ZNF444: variants seen among roughly 807,000 people sequenced by gnomAD.
ZNF444 encodes the protein endothelial zinc finger protein 2.
A neutral mutation model predicts 14.4 loss-of-function variants in ZNF444; 8 were observed. That is an observed-to-expected ratio of 0.56 (90% CI 0.33 to 1.00). ZNF444 has a LOEUF of 1.00. Among genes scored for constraint, ZNF444 ranks in the 50% least tolerant of loss-of-function variants. The pLI, the probability that ZNF444 is intolerant of heterozygous loss-of-function variation, is 0.03. For missense variants in ZNF444, 510 were observed against 504.8 expected (o/e 1.01, Z -0.10); for synonymous variants, 258 against 235.9 (o/e 1.09, Z -0.86).
chr19:56,149,767 A>G (rs906978371), intron 3 of ZNF444: 6 of 152,344 alleles, frequency 3.9e-5, no homozygotes, highest in African/African-American at 1.4e-4. Context: ...TAGTTTGCCA[A>G]GGATGATGGC....
intron 1 of ZNF444, among the ~76,000 whole-genome samples, chr19:56,142,688 A>T (rs895958941): frequency 6.6e-6 from 1 of 152,166 alleles, no homozygotes; most frequent in Admixed American, 6.5e-5. Flanking sequence ...CTTGAGAGGA[A>T]GGAGCTCTTG....
chr19:56,134,104 G>A (rs1462195999), intron 1 of ZNF444, among the ~76,000 whole-genome samples: 1 of 151,892 alleles, frequency 6.6e-6, no homozygotes, highest in African/African-American at 2.4e-5. Context: ...CGCTCACTCA[G>A]CTCACTCATG....
chr19:56,151,768 A>G (rs1251641520), intron 3 of ZNF444: 1 of 448,884 alleles, frequency 2.2e-6, no homozygotes, highest in East Asian at 7.1e-5. Context: ...ATCTAGTGGG[A>G]GCTGACCGTG....
Position 56,159,705 on chromosome 19 carries a change from C to G in ZNF444, c.488C>G (p.Pro163Arg), listed in dbSNP as rs2032153167. 6.5e-7 allele frequency: 1 copy of G among 1,550,042 alleles called. No homozygotes were observed. The highest frequency in any genetic ancestry group is 8.7e-7 in the Non-Finnish European group (1 of 1,152,344). Residue 163 changes from proline to arginine, a missense_variant, in exon 5 of 5, where the codon CCC (proline) becomes CGC (arginine). Transcript: ENST00000337080. The part of the protein sequence containing the change: ...VRPYKQEPSS[P>R]PLAPGLPAFL... The stretch of plus-strand genomic sequence containing the variant: ...CCCTACAAGCAGGAGCCCAGCAGCC[C>G]CCCGCTGGCGCCTGGCCTGCCCGCC...
chr19:56,145,906 C>T lies in ZNF444; in HGVS notation c.-196-341C>T, dbSNP rs2031150889. Among the ~76,000 whole-genome samples, 1 of 152,196 alleles carries T rather than the reference C, an allele frequency of 6.6e-6. No homozygotes were observed. ...GCAGGTGGCCTCCTTGCTGTGTGCT[C>T]CTGCTGGCAGAGATGGACAGAGTCC... is the stretch of plus-strand genomic sequence containing the variant. On this transcript the variant is annotated intron_variant, in intron 1 of 4. Transcript: ENST00000337080. This position sits in a 1 kb window ranked among gnomAD's most constrained non-coding sequence, Gnocchi z 4.3.
chr19:56,135,104 G>A (rs967045392), intron 1 of ZNF444, among the ~76,000 whole-genome samples: 2 of 152,016 alleles, frequency 1.3e-5, no homozygotes, highest in South Asian at 2.1e-4. Flanking sequence ...GGTGGCAGGC[G>A]CCTGTAGTCC....
intron 3 of ZNF444, chr19:56,150,025 T>C (rs559655994): frequency 6.2e-6 from 1 of 161,152 alleles, no homozygotes; most frequent in South Asian, 1.8e-4. Flanking sequence ...GCCATTATTC[T>C]GTCTGCCACA....
At chr19:56,139,715 C>CA (rs10690874), upstream of ZNF444, among the ~76,000 whole-genome samples, 4,332 of 142,972 alleles carry the variant, frequency 0.03, 129 homozygotes, top group African/African-American at 0.076. Context: ...AACAAAAAAC[C>CA]AAAAAAAAAA....
At chr19:56,153,017 A>G (rs542592499) in intron 3 of ZNF444, among the ~76,000 whole-genome samples, 3 of 152,218 alleles carry the variant, frequency 2.0e-5, no homozygotes, top group South Asian at 4.1e-4. Flanking sequence ...GTTAGTCTGG[A>G]TGCATCCTCT....
rs1157546745 is a variant in ZNF444, at chr19:56,160,086, G to A, written c.869G>A (p.Arg290His). ...CWECGKGFGR[R>H]EHVLRHQRIH... is the part of the protein sequence containing the mutation. ...GAGTGTGGCAAGGGCTTCGGGCGCCGCGAGCACGTGCTGCGCCACCAGCGC... is the reference window on the plus strand; with the variant it reads ...GAGTGTGGCAAGGGCTTCGGGCGCCACGAGCACGTGCTGCGCCACCAGCGC... Residue 290 changes from arginine (R) to histidine (H), a missense_variant, in exon 5 of 5, where the codon CGC becomes CAC. Coordinates refer to ENST00000337080, the MANE Select transcript of ZNF444 (RefSeq NM_018337.4). 3 of 1,498,626 alleles carry A rather than the reference G, an allele frequency of 2.0e-6. No individual in the cohort carries two copies. The highest frequency in any genetic ancestry group is 4.3e-5 in the Admixed American group (2 of 46,874). The allele number at this position is 1,498,626 out of a possible 1,614,324, so 92.8% of individuals were successfully genotyped here.
intron 3 of ZNF444, chr19:56,151,894 A>G (rs978201928): frequency 8.8e-6 from 4 of 455,438 alleles, no homozygotes; most frequent in African/African-American, 8.1e-5. Context: ...GCTACTGTGG[A>G]TTGGGGTTTC....
chr19:56,155,500 G>C (rs2031853003), intron 3 of ZNF444: 1 of 152,156 alleles, frequency 6.6e-6, no homozygotes, highest in African/African-American at 2.4e-5. Context: ...AGCAGACCCT[G>C]CCATCAGGCA....
intron 3 of ZNF444, among the ~76,000 whole-genome samples, chr19:56,150,719 GTA>G (rs2031525684): frequency 6.6e-6 from 1 of 152,230 alleles, no homozygotes; most frequent in Admixed American, 6.5e-5. Context: ...TGACGGTGGT[GTA>G]TAGACAGCTG....
At chr19:56,136,278 C>T (rs948432564) in intron 1 of ZNF444, among the ~76,000 whole-genome samples, 3 of 152,046 alleles carry the variant, frequency 2.0e-5, no homozygotes. Context: ...GCCCTGCCCT[C>T]ACCCACTGTG....
chr19:56,135,454 G>C (rs1027247648), intron 1 of ZNF444, among the ~76,000 whole-genome samples: 2 of 151,994 alleles, frequency 1.3e-5, no homozygotes, highest in African/African-American at 4.8e-5. Context: ...AGCCACGGTT[G>C]GTTAAAATTC....
chr19:56,134,965 C>T (rs1366122902), intron 1 of ZNF444, among the ~76,000 whole-genome samples: 7 of 152,032 alleles, frequency 4.6e-5, no homozygotes, highest in Non-Finnish European at 7.4e-5. Flanking sequence ...GGCACGGTGC[C>T]TCATGCCTGT....
chr19:56,146,858 G>A (rs1041836109), intron 2 of ZNF444, 32 bp from the exon 3 acceptor site: 2 of 1,334,008 alleles, frequency 1.5e-6, no homozygotes, highest in African/African-American at 1.5e-5. Context: ...GGGTCTCGGC[G>A]GGCAGGGGTC....
chr19:56,146,625 AC>A (rs2031198198), intron 2 of ZNF444, among the ~76,000 whole-genome samples: 1 of 152,116 alleles, frequency 6.6e-6, no homozygotes, highest in African/African-American at 2.4e-5. Context: ...CCCCATCTCT[AC>A]TAAAAATATA....
At chr19:56,148,438 G>A (rs1456407074) in intron 3 of ZNF444, among the ~76,000 whole-genome samples, 1 of 152,154 alleles carries the variant, frequency 6.6e-6, no homozygotes, top group African/African-American at 2.4e-5. Context: ...CAGCAGAGAG[G>A]GGGCATCTCG....
Sources: gnomAD v4.1 joint callset for allele counts (sites outside exome capture counted in the v4.1 genomes callset) on GRCh38, gnomAD v4.1.1 for gene constraint, Gnocchi (gnomAD v3.1) non-coding constraint, MANE v1.5 for transcripts, NCBI Gene and HGNC (gene_info 2026-07-23, HGNC 2026-07-21) for gene names.